The following CSMD3 variants were observed in gnomAD, a reference collection of about 807,000 sequenced individuals.
CSMD3 encodes the protein CUB and sushi domain-containing protein 3.
Under a neutral mutation model 435.2 loss-of-function variants are expected in CSMD3, and 177 were observed. That is an observed-to-expected ratio of 0.41 (90% CI 0.36 to 0.46). The LOEUF (loss-of-function observed/expected upper bound fraction) is 0.46, where lower values mean the gene tolerates loss of function less well. Ranked by LOEUF, CSMD3 falls within the 20% of genes least tolerant of loss-of-function variation. CSMD3 has a pLI of 0.34. For synonymous variants in CSMD3, 1,656 were observed against 1,520.5 expected (o/e 1.09, Z -2.07); for missense variants, 4,265 against 4,504.6 (o/e 0.95, Z 1.52).
chr8:112,297,850 G>A (rs1004093911), intron 53 of CSMD3, among the ~76,000 whole-genome samples: 4 of 152,064 alleles, frequency 2.6e-5, no homozygotes, highest in African/African-American at 9.7e-5. Context: ...GTTGGGCACA[G>A]TGGCTTATGC....
At chr8:113,227,821 A>G (rs1259903699) in intron 3 of CSMD3, among the ~76,000 whole-genome samples, 3 of 151,658 alleles carry the variant, frequency 2.0e-5, no homozygotes, top group East Asian at 1.9e-4. Flanking sequence ...GGTTCTTTGT[A>G]GAAGTGTGAA....
intron 38 of CSMD3, among the ~76,000 whole-genome samples, chr8:112,357,844 G>A (rs1826785513): frequency 6.6e-6 from 1 of 152,192 alleles, no homozygotes; most frequent in Non-Finnish European, 1.5e-5. Flanking sequence ...CATCTGATAG[G>A]GTAGTGTGGA....
chr8:112,332,947 C>G (rs1021013845), intron 45 of CSMD3, among the ~76,000 whole-genome samples: 3 of 151,986 alleles, frequency 2.0e-5, no homozygotes, highest in Non-Finnish European at 2.9e-5. Flanking sequence ...TGTAAAATTG[C>G]CCATAGGATT....
chr8:113,398,414 G>A (rs1474409786), intron 1 of CSMD3, among the ~76,000 whole-genome samples: 1 of 151,982 alleles, frequency 6.6e-6, no homozygotes, highest in African/African-American at 2.4e-5. Context: ...TTTAATTACT[G>A]TAACACTATA....
At chr8:113,336,539 T>C (rs927218323) in intron 1 of CSMD3, among the ~76,000 whole-genome samples, 7 of 152,150 alleles carry the variant, frequency 4.6e-5, no homozygotes, top group South Asian at 2.1e-4. Flanking sequence ...GAACTCTGGA[T>C]TGTATTACAT....
At chr8:112,492,368 G>C in intron 31 of CSMD3, 121 bp downstream of exon 31, 4 of 789,104 alleles carry the variant, frequency 5.1e-6, no homozygotes, top group Non-Finnish European at 8.6e-6. Flanking sequence ...TCTCTGCATT[G>C]CTAGTACGAC....
At chr8:112,474,177 T>C (rs1345481979) in intron 31 of CSMD3, among the ~76,000 whole-genome samples, 1 of 152,046 alleles carries the variant, frequency 6.6e-6, no homozygotes, top group East Asian at 1.9e-4. Context: ...TTTATATTTT[T>C]AAAGAGTTAC....
chr8:112,350,437 G>A (rs892300940), intron 40 of CSMD3, among the ~76,000 whole-genome samples: 1 of 151,908 alleles, frequency 6.6e-6, no homozygotes, highest in Non-Finnish European at 1.5e-5. Flanking sequence ...TCACTTTTCT[G>A]AAATTCCATC....
chr8:112,949,062 T>A (rs2083715714), intron 8 of CSMD3, among the ~76,000 whole-genome samples: 1 of 151,994 alleles, frequency 6.6e-6, no homozygotes, highest in Non-Finnish European at 1.5e-5. Context: ...CGGTTGTAGG[T>A]GTGAGCCATT....
chr8:113,064,558 TAATAC>T, intron 5 of CSMD3, among the ~76,000 whole-genome samples: 1 of 152,072 alleles, frequency 6.6e-6, no homozygotes, highest in Admixed American at 6.6e-5. Flanking sequence ...AAAACGAAAA[TAATAC>T]AGCAGGATAA....
At chr8:112,855,402 TAACTC>T (rs1162473780) in intron 11 of CSMD3, among the ~76,000 whole-genome samples, 1 of 152,166 alleles carries the variant, frequency 6.6e-6, no homozygotes, top group East Asian at 1.9e-4. Flanking sequence ...CATCATTAGT[TAACTC>T]AATTTATGGA....
At chr8:112,372,414 T>C (rs987630765) in intron 38 of CSMD3, among the ~76,000 whole-genome samples, 1 of 152,022 alleles carries the variant, frequency 6.6e-6, no homozygotes, top group Admixed American at 6.6e-5. Flanking sequence ...AAGACCAAGG[T>C]GTAGAAAGGG....
In CSMD3 at chr8:112,237,309, C is replaced by A. The variant is rs201680894; in HGVS notation, c.10508G>T (p.Gly3503Val). Residue 3503 changes from glycine (G) to valine (V), a missense_variant, in exon 67 of 71, where the codon GGC becomes GTC. Gly to Val is a moderately radical substitution (Grantham distance 109, BLOSUM62 -3). Coordinates refer to ENST00000297405, the MANE Select transcript of CSMD3 (RefSeq NM_198123.2). ...TTTCCTTCCTTTGAAATTGTAAGAG[C>A]CTTTCCATATATAATTTTGGGCAAA... ...DVFAQNYIWK[G>V]SYNFKGRKQP... 1 of 1,612,814 alleles carries A rather than the reference C, an allele frequency of 6.2e-7. No homozygotes were observed. Among genetic ancestry groups the A allele is most frequent in the East Asian group, 2.2e-5 (1 of 44,776 alleles).
intron 31 of CSMD3, among the ~76,000 whole-genome samples, chr8:112,483,086 A>C (rs1326320371): frequency 6.6e-6 from 1 of 152,214 alleles, no homozygotes. Flanking sequence ...TAAATTATTA[A>C]TATCTTGCTA....
intron 9 of CSMD3, among the ~76,000 whole-genome samples, chr8:112,925,621 T>G (rs913216682): frequency 6.6e-6 from 1 of 152,134 alleles, no homozygotes; most frequent in African/African-American, 2.4e-5. Flanking sequence ...GAACAATTGC[T>G]ACAATGATTT....
chr8:113,400,151 A>C (rs947453274), intron 1 of CSMD3, among the ~76,000 whole-genome samples: 1 of 152,004 alleles, frequency 6.6e-6, no homozygotes, highest in African/African-American at 2.4e-5. Context: ...AAATTGCATA[A>C]AAAGTAAAAG....
Position 113,352,315 on chromosome 8 carries a change from T to C in CSMD3, c.179-37522A>G, listed in dbSNP as rs1421360975. Among the ~76,000 whole-genome samples the C allele has an allele frequency of 2.6e-5, 4 of 151,894 alleles. 1 individual carries two copies. The highest frequency in any genetic ancestry group is 4.2e-4 in the South Asian group (2 of 4,788). ...CAGAGATACAAGAGAGAAAGCCATG[T>C]GAAGAGGGTAGAGACTGGTATTATT... On this transcript the variant is annotated intron_variant, in intron 1 of 70. Transcript: ENST00000297405.
At chr8:112,714,390 T>C (rs1368167125) in intron 13 of CSMD3, among the ~76,000 whole-genome samples, 3 of 152,136 alleles carry the variant, frequency 2.0e-5, no homozygotes, top group Non-Finnish European at 2.9e-5. Context: ...TCTAGATATA[T>C]ATGTACCCAA....
chr8:112,340,032 G>A (rs1416185561), intron 42 of CSMD3, among the ~76,000 whole-genome samples: 1 of 152,128 alleles, frequency 6.6e-6, no homozygotes, highest in African/African-American at 2.4e-5. Flanking sequence ...AGTTAATAAA[G>A]CTCAATTTCT....
Sources: gnomAD v4.1 joint callset for allele counts (sites outside exome capture counted in the v4.1 genomes callset) on GRCh38, gnomAD v4.1.1 for gene constraint, MANE v1.5 for transcripts, NCBI Gene and HGNC (gene_info 2026-07-23, HGNC 2026-07-21) for gene names.